The following PHC1 variants were observed in gnomAD, a reference collection of about 807,000 sequenced individuals.
PHC1 encodes the protein polyhomeotic-like protein 1.
Under a neutral mutation model 104.3 loss-of-function variants are expected in PHC1, and 12 were observed. That is an observed-to-expected ratio of 0.12 (90% CI 0.07 to 0.19). The LOEUF is 0.19. Among genes scored for constraint, PHC1 ranks in the 10% least tolerant of loss-of-function variants. PHC1 has a pLI of 1.00. For missense variants in PHC1, 671 were observed against 1,200.0 expected, an observed-to-expected ratio of 0.56 and a Z score of 6.51; for synonymous variants, 302 against 455.8, an observed-to-expected ratio of 0.66 and a Z score of 4.30.
rs1484658946 is a variant in PHC1 at position 8,937,441 on chromosome 12, T to C, written c.2628+115T>C. 8 of 942,714 alleles carry C rather than the reference T, an allele frequency of 8.5e-6. No individual in the cohort carries two copies. In the South Asian group the frequency reaches 1.1e-4, roughly 13 times the overall value. The allele number at this position is 942,714 out of a possible 1,614,324, so 58.4% of individuals were successfully genotyped here. A position where few individuals can be genotyped will look rare whatever the true frequency, so the allele number is the denominator to read the frequency against. On this transcript the variant is annotated intron_variant, in intron 13 of 14. Coordinates refer to ENST00000544916, the MANE Select transcript of PHC1 (RefSeq NM_004426.3). ...GTGAGATGAGAACTCTGGTTTCACA[T>C]TGATTGCATTACTACAAATTCCAAG... is the stretch of plus-strand genomic sequence containing the variant.
intron 1 of PHC1, 67 bp downstream of exon 1, chr12:8,914,894 C>T (rs986604747): frequency 6.5e-6 from 1 of 153,784 alleles, no homozygotes; most frequent in African/African-American, 2.4e-5. Context: ...GGGGATGTAT[C>T]CTCAGCCACC....
intron 8 of PHC1, 164 bp from the exon 9 acceptor site, chr12:8,933,701 G>A (rs1349717175): frequency 3.1e-6 from 2 of 651,738 alleles, no homozygotes; most frequent in African/African-American, 3.7e-5. Context: ...TGTCCTGATG[G>A]AAAGTTACTA....
intron 6 of PHC1, among the ~76,000 whole-genome samples, chr12:8,929,372 C>T (rs1945617535): frequency 6.6e-6 from 1 of 152,144 alleles, no homozygotes; most frequent in Non-Finnish European, 1.5e-5. Context: ...CTTACTGGCC[C>T]AGCACCTTCC....
At chr12:8,922,994 G>A (rs1400377303) in intron 6 of PHC1, among the ~76,000 whole-genome samples, 2 of 152,190 alleles carry the variant, frequency 1.3e-5, no homozygotes, top group Non-Finnish European at 2.9e-5. Flanking sequence ...AGATTTGCCT[G>A]AAAATAGTCT....
At chr12:8,920,867 A>C (rs780019713) in intron 3 of PHC1, 118 bp from the exon 4 acceptor site, 2 of 658,830 alleles carry the variant, frequency 3.0e-6, no homozygotes, top group Non-Finnish European at 5.2e-6. Flanking sequence ...CTAAAGTGGA[A>C]TCTCCCTGTT....
At chr12:8,927,211 G>A (rs1945539864) in intron 6 of PHC1, among the ~76,000 whole-genome samples, 1 of 152,168 alleles carries the variant, frequency 6.6e-6, no homozygotes, top group Non-Finnish European at 1.5e-5. Context: ...TAACAGGGAG[G>A]GAGAGTTGTT....
intron 11 of PHC1, 130 bp from the exon 12 acceptor site, chr12:8,936,724 TTC>T (rs1270994082): frequency 1.5e-6 from 1 of 645,224 alleles, no homozygotes; most frequent in African/African-American, 1.8e-5. Flanking sequence ...GTTTTAGGGA[TTC>T]TCAACTAGGT....
Position 8,939,314 on chromosome 12 carries a change from A to C in PHC1, c.2870A>C (p.Glu957Ala). The change falls in exon 15 of 15, where the codon GAG (glutamate) becomes GCG (alanine). Residue 957 changes from glutamate (E) to alanine (A), a missense_variant. Around this residue, in one of 9 missense-constraint regions of PHC1, gnomAD observed 192 missense variants for 280.5 expected, o/e 0.68. Coordinates refer to ENST00000544916, the MANE Select transcript of PHC1 (RefSeq NM_004426.3). Reference sequence around the variant, plus strand: ...TCACCATTTCTTCTAGGCTGCCAAGAGATTGCAGAGGAATTTCGCTCACAG... The same window carrying C: ...TCACCATTTCTTCTAGGCTGCCAAGCGATTGCAGAGGAATTTCGCTCACAG... ...EFIASLQGCQ[E>A]IAEEFRSQEI... 1 of 1,614,100 alleles carries C rather than the reference A, an allele frequency of 6.2e-7. No homozygotes were observed.
intron 11 of PHC1, among the ~76,000 whole-genome samples, chr12:8,935,655 G>A (rs1301307240): frequency 6.6e-6 from 1 of 152,084 alleles, no homozygotes; most frequent in South Asian, 2.1e-4. Context: ...AATGAAGTCT[G>A]TCTACATATA....
rs1179933262 is a variant in PHC1, at chr12:8,919,612, T to G, written c.115-144T>G. 1 of 765,296 alleles carries G rather than the reference T, an allele frequency of 1.3e-6. No homozygotes were observed. The highest frequency in any genetic ancestry group is 2.1e-6 in the Non-Finnish European group (1 of 473,486). 47.4% of individuals were successfully genotyped at this position (765,296 alleles called of 1,614,324 possible). A position where few individuals can be genotyped will look rare whatever the true frequency, so the allele number is the denominator to read the frequency against. ...TTTGCTCTAAAAAAATGAAGGAAAA[T>G]CAGCCGTTGACGATTTAGCCCAAAC... is the stretch of plus-strand genomic sequence containing the variant. On this transcript the variant is annotated intron_variant, in intron 2 of 14. Coordinates refer to ENST00000544916, the MANE Select transcript of PHC1 (RefSeq NM_004426.3). The surrounding 1 kb of genome is among the most constrained non-coding windows in gnomAD (Gnocchi z 4.9).
chr12:8,919,742 C>A lies in PHC1; in HGVS notation c.115-14C>A. 1 of 1,609,022 alleles carries A rather than the reference C, an allele frequency of 6.2e-7. No individual in the cohort carries two copies. The highest frequency in any genetic ancestry group is 2.0e-4 in the Middle Eastern group (1 of 5,040). ...AGTGGTCCATTCTAAATGTTTTATCCTCTCTTTTCCTAGGCTCTGCAAGCA... is the reference window on the plus strand; with the variant it reads ...AGTGGTCCATTCTAAATGTTTTATCATCTCTTTTCCTAGGCTCTGCAAGCA... On this transcript the variant is annotated splice_polypyrimidine_tract_variant and intron_variant, in intron 2 of 14. Transcript: ENST00000544916. The surrounding 1 kb of genome is among the most constrained non-coding windows in gnomAD (Gnocchi z 4.9).
intron 7 of PHC1, among the ~76,000 whole-genome samples, chr12:8,931,560 C>T (rs868181670): frequency 6.6e-6 from 1 of 152,084 alleles, no homozygotes; most frequent in Non-Finnish European, 1.5e-5. Flanking sequence ...ATTAGCCGGG[C>T]GTAGTGGTTT....
chr12:8,930,989 CT>C, intron 7 of PHC1, 62 bp downstream of exon 7: 1 of 1,501,062 alleles, frequency 6.7e-7, no homozygotes. Flanking sequence ...TCCTTTTTTT[CT>C]TTTTTTGCCT....
intron 6 of PHC1, 118 bp from the exon 7 acceptor site, chr12:8,930,317 G>A (rs1379921832): frequency 7.0e-7 from 1 of 1,435,850 alleles, no homozygotes; most frequent in Non-Finnish European, 9.4e-7. Context: ...TAAAGGCAGA[G>A]ATACGAGCTG....
At chr12:8,924,503 A>T (rs757324771) in intron 6 of PHC1, among the ~76,000 whole-genome samples, 36 of 152,240 alleles carry the variant, frequency 2.4e-4, no homozygotes, top group Non-Finnish European at 5.0e-4. Context: ...GCTAAACTAA[A>T]TGGTGCTAAC....
At chr12:8,929,521 A>T (rs768833499) in intron 6 of PHC1, among the ~76,000 whole-genome samples, 32 of 151,912 alleles carry the variant, frequency 2.1e-4, no homozygotes, top group African/African-American at 7.0e-4. Flanking sequence ...ATAATATTTT[A>T]AAATAATGTC....
chr12:8,938,838 G>A (rs1304781742), intron 14 of PHC1, among the ~76,000 whole-genome samples: 1 of 151,732 alleles, frequency 6.6e-6, no homozygotes, highest in Non-Finnish European at 1.5e-5. Context: ...TGTTGTTGTT[G>A]TTTTGAGACA....
At chr12:8,934,597 C>T (rs545215200) in intron 10 of PHC1, 119 bp downstream of exon 10, 86 of 636,588 alleles carry the variant, frequency 1.4e-4, no homozygotes, top group African/African-American at 5.9e-4. Context: ...GGTTCAATTA[C>T]GCTATTTATT....
At chr12:8,914,460 G>GGA (rs1302582023), upstream of PHC1, 4 of 149,382 alleles carry the variant, frequency 2.7e-5, no homozygotes, top group Non-Finnish European at 3.0e-5. Flanking sequence ...GGGACGGCGG[G>GGA]GGGGGGGTCC....
Sources: allele counts gnomAD v4.1 joint callset (sites outside exome capture counted in the v4.1 genomes callset), GRCh38; gene constraint gnomAD v4.1.1; regional missense constraint gnomAD v4.1.1; non-coding constraint Gnocchi (gnomAD v3.1); transcripts MANE v1.5; gene names NCBI Gene and HGNC (gene_info 2026-07-23, HGNC 2026-07-21).